Variants in SIPA1L1 observed in about 807,000 individuals in gnomAD.
SIPA1L1 encodes signal induced proliferation associated 1 like 1.
A neutral mutation model predicts 162.7 loss-of-function variants in SIPA1L1; 26 were observed. The ratio of observed to expected loss-of-function variants is 0.16; its 90% CI spans 0.12 to 0.22. The LOEUF is 0.22. SIPA1L1 is among the 10% of genes least tolerant of loss of function. The pLI is 1.00. For synonymous variants in SIPA1L1, 829 were observed against 837.4 expected, an observed-to-expected ratio of 0.99 and a Z score of 0.17; for missense variants, 1,874 against 2,241.0, an observed-to-expected ratio of 0.84 and a Z score of 3.31.
rs575860767 is a variant in SIPA1L1, at chr14:71,706,836, C to T, written c.3765+1496C>T. Among the ~76,000 whole-genome samples the T allele has an allele frequency of 4.6e-5, 7 of 152,136 alleles. 1 individual carries two copies. In the South Asian group the frequency reaches 1.5e-3, roughly 32 times the overall value. ...ATCGCTTGAGGTCAGGAGTTTGAGA[C>T]CAGCCTAGCCAATATGATGAAACCG... On this transcript the variant is annotated intron_variant, in intron 16 of 23. Transcript: ENST00000381232.
At chr14:71,707,462 G>A (rs909984741) in intron 16 of SIPA1L1, among the ~76,000 whole-genome samples, 7 of 152,024 alleles carry the variant, frequency 4.6e-5, no homozygotes, top group African/African-American at 7.2e-5. Flanking sequence ...CACCACCACC[G>A]ACTGCTTGTC....
chr14:71,652,992 T>G (rs557860882), intron 8 of SIPA1L1, among the ~76,000 whole-genome samples: 108 of 152,300 alleles, frequency 7.1e-4, no homozygotes, highest in Non-Finnish European at 1.4e-3. Context: ...CATGTCTGGT[T>G]GTTTTTGATA....
At chr14:71,627,378 A>T (rs1596495138) in intron 7 of SIPA1L1, among the ~76,000 whole-genome samples, 1 of 151,740 alleles carries the variant, frequency 6.6e-6, no homozygotes, top group African/African-American at 2.4e-5. Flanking sequence ...AACTCCTGAC[A>T]TCAGGTGATC....
intron 2 of SIPA1L1, among the ~76,000 whole-genome samples, chr14:71,358,027 T>C (rs1382227121): frequency 6.6e-6 from 1 of 152,158 alleles, no homozygotes; most frequent in Non-Finnish European, 1.5e-5. Flanking sequence ...GCCTGGCCTC[T>C]ATTTTTTGTA....
chr14:71,446,920 T>TTG (rs2045435483), intron 2 of SIPA1L1, among the ~76,000 whole-genome samples: 2 of 109,266 alleles, frequency 1.8e-5, no homozygotes, highest in Non-Finnish European at 3.8e-5. Context: ...TTTTTTTTTT[T>TTG]TTTTTTTTTG....
chr14:71,342,870 T>C (rs2035798229), intron 2 of SIPA1L1, among the ~76,000 whole-genome samples: 1 of 152,254 alleles, frequency 6.6e-6, no homozygotes, highest in Admixed American at 6.5e-5. Context: ...TCTTAATCTC[T>C]CGTTTGCTTT....
At chr14:71,618,006 C>T (rs1454335674) in intron 5 of SIPA1L1, among the ~76,000 whole-genome samples, 4 of 152,092 alleles carry the variant, frequency 2.6e-5, no homozygotes, top group African/African-American at 9.7e-5. Context: ...AATTTTGATC[C>T]CTATCTTTCT....
chr14:71,550,109 G>C (rs2055660908), intron 4 of SIPA1L1, among the ~76,000 whole-genome samples: 2 of 152,114 alleles, frequency 1.3e-5, no homozygotes, highest in South Asian at 2.1e-4. Context: ...AAATTAGCCA[G>C]GTGTGTTGGT....
At chr14:71,374,270 T>A (rs115131451) in intron 2 of SIPA1L1, among the ~76,000 whole-genome samples, 3,302 of 152,304 alleles carry the variant, frequency 0.022, 126 homozygotes, top group African/African-American at 0.075. Flanking sequence ...TACTAAATGC[T>A]TTTATTGAAC....
At chr14:71,727,110 T>C (rs1166645578) in intron 19 of SIPA1L1, among the ~76,000 whole-genome samples, 1 of 152,048 alleles carries the variant, frequency 6.6e-6, no homozygotes, top group Non-Finnish European at 1.5e-5. Context: ...GCTACAGCAC[T>C]CTAAGAAACC....
intron 4 of SIPA1L1, among the ~76,000 whole-genome samples, chr14:71,536,283 C>A (rs2053895169): frequency 6.6e-6 from 1 of 152,154 alleles, no homozygotes; most frequent in African/African-American, 2.4e-5. Flanking sequence ...CTCAGGATAA[C>A]TTAGTATGCC....
intron 4 of SIPA1L1, among the ~76,000 whole-genome samples, chr14:71,555,732 G>T (rs549544245): frequency 6.6e-6 from 1 of 152,142 alleles, no homozygotes; most frequent in Admixed American, 6.5e-5. Flanking sequence ...TTCAAGTTTC[G>T]CTTGAACTTA....
chr14:71,546,085 G>T (rs1004262944), intron 4 of SIPA1L1, among the ~76,000 whole-genome samples: 1 of 149,900 alleles, frequency 6.7e-6, no homozygotes, highest in African/African-American at 2.4e-5. Context: ...CCTGTCTCAG[G>T]AAAAAAAAAG....
At chr14:71,394,237 A>G (rs1196262334) in intron 2 of SIPA1L1, among the ~76,000 whole-genome samples, 1 of 152,156 alleles carries the variant, frequency 6.6e-6, no homozygotes, top group African/African-American at 2.4e-5. Context: ...GCTGATTCTA[A>G]TCAAAATAGG....
intron 10 of SIPA1L1, among the ~76,000 whole-genome samples, chr14:71,662,988 A>G (rs917949450): frequency 6.6e-5 from 10 of 152,216 alleles, no homozygotes; most frequent in Non-Finnish European, 1.0e-4. Context: ...GGGCACTTCA[A>G]AGTTTGGGGA....
intron 6 of SIPA1L1, among the ~76,000 whole-genome samples, chr14:71,622,127 A>G (rs937796186): frequency 6.6e-6 from 1 of 152,224 alleles, no homozygotes; most frequent in African/African-American, 2.4e-5. Flanking sequence ...TGCAGATAAG[A>G]AAAAAGAAAA....
chr14:71,335,157 G>A (rs2034957781), intron 2 of SIPA1L1, among the ~76,000 whole-genome samples: 1 of 152,240 alleles, frequency 6.6e-6, no homozygotes, highest in East Asian at 1.9e-4. Flanking sequence ...AAAATTAGCC[G>A]GGCGTGGTAG....
At chr14:71,601,894 G>A (rs2036804946) in intron 5 of SIPA1L1, among the ~76,000 whole-genome samples, 4 of 151,278 alleles carry the variant, frequency 2.6e-5, no homozygotes, top group South Asian at 4.2e-4. Flanking sequence ...TATTTTTGTA[G>A]TTATCAGTTG....
intron 5 of SIPA1L1, among the ~76,000 whole-genome samples, chr14:71,604,420 G>C (rs1219997974): frequency 1.3e-5 from 2 of 152,164 alleles, no homozygotes; most frequent in Non-Finnish European, 2.9e-5. Flanking sequence ...TGGGATTACA[G>C]GTGGGAGCCA....
Sources: gnomAD v4.1 joint callset for allele counts (sites outside exome capture counted in the v4.1 genomes callset) on GRCh38, gnomAD v4.1.1 for gene constraint, MANE v1.5 for transcripts, NCBI Gene and HGNC (gene_info 2026-07-23, HGNC 2026-07-21) for gene names.